The following PDZRN4 variants were observed in gnomAD, a reference collection of about 807,000 sequenced individuals.
PDZRN4 encodes PDZ domain containing ring finger 4.
Under a neutral mutation model 99.0 loss-of-function variants are expected in PDZRN4, and 70 were observed. The observed-to-expected ratio is 0.71, with a 90% confidence interval of 0.58 to 0.86. The LOEUF (loss-of-function observed/expected upper bound fraction) is 0.86, where lower values mean the gene tolerates loss of function less well. Among genes scored for constraint, PDZRN4 ranks in the 40% least tolerant of loss-of-function variants. The pLI, the probability that PDZRN4 is intolerant of heterozygous loss-of-function variation, is 0.00. For synonymous variants in PDZRN4, 551 were observed against 501.6 expected (o/e 1.10, Z -1.32); for missense variants, 1,474 against 1,331.2 (o/e 1.11, Z -1.67).
At chr12:41,232,959 G>A (rs1951038613) in intron 3 of PDZRN4, among the ~76,000 whole-genome samples, 1 of 152,098 alleles carries the variant, frequency 6.6e-6, no homozygotes, top group African/African-American at 2.4e-5. Context: ...TGTCAGGTTT[G>A]TCAAAGATCA....
intron 3 of PDZRN4, among the ~76,000 whole-genome samples, chr12:41,496,479 A>T (rs1197284722): frequency 6.6e-6 from 1 of 152,094 alleles, no homozygotes; most frequent in East Asian, 1.9e-4. Context: ...AAAGTCACAC[A>T]GCTAGTCCCC....
At chr12:41,228,223 C>T (rs180903516) in intron 3 of PDZRN4, among the ~76,000 whole-genome samples, 59 of 152,242 alleles carry the variant, frequency 3.9e-4, no homozygotes, top group African/African-American at 1.4e-3. Context: ...ACTGTTTCTC[C>T]AATCACTTGA....
chr12:41,336,771 G>A (rs1018273843), intron 3 of PDZRN4, among the ~76,000 whole-genome samples: 5 of 152,088 alleles, frequency 3.3e-5, no homozygotes, highest in African/African-American at 1.2e-4. Context: ...GTTGAAGATG[G>A]AATCATGGGG....
At chr12:41,462,249 T>C (rs143230289) in intron 3 of PDZRN4, among the ~76,000 whole-genome samples, 2 of 152,336 alleles carry the variant, frequency 1.3e-5, no homozygotes, top group East Asian at 3.9e-4. Context: ...AAAATAGATA[T>C]GCAGTGTTTG....
At chr12:41,508,004 G>A (rs1440583382) in intron 4 of PDZRN4, among the ~76,000 whole-genome samples, 1 of 152,108 alleles carries the variant, frequency 6.6e-6, no homozygotes, top group Non-Finnish European at 1.5e-5. Flanking sequence ...ATACTTCCTT[G>A]AATGAATAAT....
intron 3 of PDZRN4, among the ~76,000 whole-genome samples, chr12:41,225,343 AG>A (rs1301084043): frequency 6.6e-6 from 1 of 152,094 alleles, no homozygotes; most frequent in African/African-American, 2.4e-5. Context: ...ATAAATTGAA[AG>A]GAAGAAAGCT....
At position 41,387,509 on chromosome 12, in the gene PDZRN4, C is replaced by T. The variant is rs560257228; in HGVS notation, c.844-118947C>T. On this transcript the variant is annotated intron_variant, in intron 3 of 9. Transcript: ENST00000402685. ...CTGAGGCAGGAGTATAGCTTGAACG[C>T]TGAACCCAGAAGGTGAAGATTGCAG... Among the ~76,000 whole-genome samples, 105 of 152,216 alleles carry T rather than the reference C, an allele frequency of 6.9e-4. 1 individual carries two copies. The highest frequency in any genetic ancestry group is 2.5e-3 in the African/African-American group (104 of 41,546).
chr12:41,347,938 C>T (rs993312571), intron 3 of PDZRN4, among the ~76,000 whole-genome samples: 17 of 151,982 alleles, frequency 1.1e-4, no homozygotes, highest in South Asian at 4.1e-4. Context: ...AAACATGATG[C>T]GAAATTTGCC....
At chr12:41,546,575 T>C (rs1938957072) in intron 5 of PDZRN4, among the ~76,000 whole-genome samples, 1 of 152,238 alleles carries the variant, frequency 6.6e-6, no homozygotes, top group Non-Finnish European at 1.5e-5. Context: ...TGAATGACTT[T>C]GTTCTTTGCT....
chr12:41,486,567 G>A (rs1937777718), intron 3 of PDZRN4, among the ~76,000 whole-genome samples: 1 of 152,120 alleles, frequency 6.6e-6, no homozygotes, highest in African/African-American at 2.4e-5. Context: ...CCTGAAGATT[G>A]CAAGAGAAAT....
At chr12:41,529,528 G>A (rs1175127222) in intron 5 of PDZRN4, among the ~76,000 whole-genome samples, 1 of 152,132 alleles carries the variant, frequency 6.6e-6, no homozygotes, top group Non-Finnish European at 1.5e-5. Context: ...TGCAAAAAGT[G>A]TTTATTCTTT....
intron 3 of PDZRN4, among the ~76,000 whole-genome samples, chr12:41,441,363 C>T (rs922801748): frequency 2.1e-4 from 32 of 152,124 alleles, no homozygotes; most frequent in Non-Finnish European, 7.4e-5. Context: ...TGTAGCACAA[C>T]AGAGAGTACA....
At position 41,224,177 on chromosome 12, in the gene PDZRN4, TG is replaced by T; in HGVS notation, c.843+29990del. On this transcript the variant is annotated intron_variant, in intron 3 of 9. Coordinates refer to ENST00000402685, the MANE Select transcript of PDZRN4 (RefSeq NM_001164595.2). ...GGGCTGTCCAGAAACTATCATTTAA[TG>T]AAAGCTCACTACTTGCCAGTCTGTG... is the stretch of plus-strand genomic sequence containing the variant. Among the ~76,000 whole-genome samples the T allele has an allele frequency of 2.0e-5, 3 of 152,346 alleles. No individual in the cohort carries two copies. In the East Asian group the frequency reaches 5.8e-4, roughly 29 times the overall value.
intron 3 of PDZRN4, among the ~76,000 whole-genome samples, chr12:41,355,606 A>G (rs1294231616): frequency 1.3e-5 from 2 of 152,094 alleles, no homozygotes; most frequent in Non-Finnish European, 2.9e-5. Flanking sequence ...GTTTTTAACA[A>G]CCTTTTCAAA....
At chr12:41,347,970 A>G (rs1381943826) in intron 3 of PDZRN4, among the ~76,000 whole-genome samples, 1 of 152,142 alleles carries the variant, frequency 6.6e-6, no homozygotes, top group Non-Finnish European at 1.5e-5. Flanking sequence ...TTGCCTAATA[A>G]GGAGGAACAG....
chr12:41,205,974 T>G (rs1429040643), intron 3 of PDZRN4, among the ~76,000 whole-genome samples: 1 of 151,982 alleles, frequency 6.6e-6, no homozygotes. Flanking sequence ...CAACTTCTTT[T>G]ATTTAACACT....
intron 1 of PDZRN4, 29 bp downstream of exon 1, chr12:41,189,132 C>G (rs191745893): frequency 6.4e-7 from 1 of 1,564,926 alleles, no homozygotes; most frequent in East Asian, 2.3e-5. Flanking sequence ...GCACCGCGGG[C>G]ATGGTCGATT....
chr12:41,453,015 A>G (rs1952787883), intron 3 of PDZRN4, among the ~76,000 whole-genome samples: 1 of 151,842 alleles, frequency 6.6e-6, no homozygotes, highest in Non-Finnish European at 1.5e-5. Context: ...CTTAACAGAG[A>G]CCCCTGCTGA....
At chr12:41,457,302 C>T (rs1025380094) in intron 3 of PDZRN4, among the ~76,000 whole-genome samples, 5 of 152,038 alleles carry the variant, frequency 3.3e-5, no homozygotes, top group South Asian at 2.1e-4. Flanking sequence ...TTCAGAAAAA[C>T]GGCTGTTCTC....
Sources: gnomAD v4.1 joint callset for allele counts (sites outside exome capture counted in the v4.1 genomes callset) on GRCh38, gnomAD v4.1.1 for gene constraint, MANE v1.5 for transcripts, NCBI Gene and HGNC (gene_info 2026-07-23, HGNC 2026-07-21) for gene names.